Variants in BNC2 observed in about 807,000 individuals in gnomAD.
BNC2 encodes basonuclin zinc finger protein 2.
In BNC2, 20 loss-of-function variants were observed where a neutral mutation model predicts 76.3. The observed-to-expected ratio is 0.26, with a 90% CI of 0.18 to 0.38. The LOEUF (loss-of-function observed/expected upper bound fraction) is 0.38. BNC2 is among the 10% of genes least tolerant of loss of function. The probability of loss-of-function intolerance (pLI) is 1.00; values close to 1 mark genes in which losing one functional copy is unlikely to be tolerated. For missense variants in BNC2, 1,382 were observed against 1,399.8 expected (o/e 0.99, Z 0.20); for synonymous variants, 582 against 514.8 (o/e 1.13, Z -1.77).
chr9:16,764,739 G>T (rs199533865), intron 1 of BNC2, among the ~76,000 whole-genome samples: 7 of 149,474 alleles, frequency 4.7e-5, no homozygotes, highest in South Asian at 2.1e-4. Flanking sequence ...TTATTTGTCT[G>T]TTTTTTTTTT....
chr9:16,497,756 C>A (rs1177912758), intron 5 of BNC2, among the ~76,000 whole-genome samples: 1 of 152,118 alleles, frequency 6.6e-6, no homozygotes, highest in East Asian at 1.9e-4. Flanking sequence ...GGGCTAAAAA[C>A]ATCCACCAAC....
intron 3 of BNC2, among the ~76,000 whole-genome samples, chr9:16,629,380 T>G (rs1821094884): frequency 6.6e-6 from 1 of 152,220 alleles, no homozygotes; most frequent in Admixed American, 6.5e-5. Context: ...TTCACTACAT[T>G]AATTAGAGAA....
At chr9:16,810,276 G>C (rs148590768) in intron 1 of BNC2, among the ~76,000 whole-genome samples, 46 of 152,200 alleles carry the variant, frequency 3.0e-4, no homozygotes, top group African/African-American at 1.1e-3. Context: ...TTTTCTCCCC[G>C]TTCATTTACC....
chr9:16,774,580 C>T (rs1057035654), intron 1 of BNC2, among the ~76,000 whole-genome samples: 2 of 152,174 alleles, frequency 1.3e-5, no homozygotes, highest in African/African-American at 4.8e-5. Flanking sequence ...TGTGATAAAA[C>T]TTACAAATAA....
At chr9:16,857,178 T>C (rs1819279520) in intron 1 of BNC2, among the ~76,000 whole-genome samples, 1 of 152,090 alleles carries the variant, frequency 6.6e-6, no homozygotes, top group African/African-American at 2.4e-5. Flanking sequence ...ACTGTAACAA[T>C]TTTTAGAAGT....
At chr9:16,811,278 C>T (rs1235062452) in intron 1 of BNC2, among the ~76,000 whole-genome samples, 1 of 145,786 alleles carries the variant, frequency 6.9e-6, no homozygotes, top group Non-Finnish European at 1.5e-5. Flanking sequence ...GGGCCAGGCA[C>T]GGTGGCTCAC....
intron 3 of BNC2, among the ~76,000 whole-genome samples, chr9:16,607,295 G>C (rs1382241173): frequency 6.6e-6 from 1 of 151,878 alleles, no homozygotes; most frequent in African/African-American, 2.4e-5. Flanking sequence ...CAAAACCTCA[G>C]AGAAAGAAAA....
intron 1 of BNC2, among the ~76,000 whole-genome samples, chr9:16,749,415 G>A (rs754280207): frequency 7.9e-5 from 12 of 152,114 alleles, no homozygotes; most frequent in Non-Finnish European, 1.6e-4. Context: ...CAAATGGGTG[G>A]GGGAAGCACG....
At chr9:16,672,219 C>G (rs371555442) in intron 3 of BNC2, among the ~76,000 whole-genome samples, 1 of 152,100 alleles carries the variant, frequency 6.6e-6, no homozygotes, top group African/African-American at 2.4e-5. Flanking sequence ...TAACATTGGC[C>G]GGACGCGGTG....
chr9:16,768,396 C>A (rs1331423715), intron 1 of BNC2, among the ~76,000 whole-genome samples: 2 of 151,930 alleles, frequency 1.3e-5, no homozygotes, highest in Non-Finnish European at 2.9e-5. Context: ...GGTGAGAAAA[C>A]GGGAGTGTTA....
At chr9:16,701,292 G>T (rs889159444) in intron 3 of BNC2, among the ~76,000 whole-genome samples, 4 of 152,098 alleles carry the variant, frequency 2.6e-5, no homozygotes, top group African/African-American at 9.7e-5. Context: ...TAAATAGCTA[G>T]CTTAAATGAT....
intron 1 of BNC2, among the ~76,000 whole-genome samples, chr9:16,858,001 A>G (rs1312877395): frequency 6.6e-6 from 1 of 152,242 alleles, no homozygotes; most frequent in East Asian, 1.9e-4. Flanking sequence ...CTGTAAAGCA[A>G]GCTCATGTTT....
chr9:16,719,780 T>C (rs944893013), intron 3 of BNC2, among the ~76,000 whole-genome samples: 2 of 152,230 alleles, frequency 1.3e-5, no homozygotes, highest in African/African-American at 4.8e-5. Flanking sequence ...CATAATACCA[T>C]CCATTAATAC....
At chr9:16,784,695 C>A (rs1230181339) in intron 1 of BNC2, among the ~76,000 whole-genome samples, 5 of 152,180 alleles carry the variant, frequency 3.3e-5, no homozygotes, top group Non-Finnish European at 7.3e-5. Context: ...ACTAGAGTAT[C>A]CTAGAGAAAG....
At chr9:16,472,429 GT>G (rs1156372638) in intron 5 of BNC2, among the ~76,000 whole-genome samples, 1 of 152,194 alleles carries the variant, frequency 6.6e-6, no homozygotes, top group East Asian at 1.9e-4. Flanking sequence ...TTCAAAACAT[GT>G]TCTGGTAGCT....
At chr9:16,657,558 T>C (rs1587281245) in intron 3 of BNC2, among the ~76,000 whole-genome samples, 1 of 152,006 alleles carries the variant, frequency 6.6e-6, no homozygotes, top group African/African-American at 2.4e-5. Context: ...TGAATGGAAG[T>C]TGAGAGAAAG....
At chr9:16,480,940 G>A (rs374813933) in intron 5 of BNC2, among the ~76,000 whole-genome samples, 28 of 152,356 alleles carry the variant, frequency 1.8e-4, no homozygotes, top group East Asian at 1.7e-3. Context: ...AGCCTGGTGC[G>A]GGATCCACTG....
At chr9:16,498,774 C>T (rs1005224717) in intron 5 of BNC2, among the ~76,000 whole-genome samples, 6 of 152,002 alleles carry the variant, frequency 3.9e-5, no homozygotes, top group African/African-American at 1.5e-4. Context: ...GGGAAACAGA[C>T]CTTTACCGAC....
intron 5 of BNC2, among the ~76,000 whole-genome samples, chr9:16,451,568 A>AAAGACCT (rs1587042778): frequency 6.6e-6 from 1 of 152,138 alleles, no homozygotes. Flanking sequence ...CTCCAGCTAC[A>AAAGACCT]AAGACCTACT....
Sources: gnomAD v4.1 joint callset for allele counts (sites outside exome capture counted in the v4.1 genomes callset) on GRCh38, gnomAD v4.1.1 for gene constraint, MANE v1.5 for transcripts, NCBI Gene and HGNC (gene_info 2026-07-23, HGNC 2026-07-21) for gene names.